CENPP: variants seen among roughly 807,000 people sequenced by gnomAD.
CENPP encodes the protein centromere protein P.
A neutral mutation model predicts 35.6 loss-of-function variants in CENPP; 24 were observed. The ratio of observed to expected loss-of-function variants is 0.67; its 90% CI spans 0.49 to 0.95. The LOEUF (loss-of-function observed/expected upper bound fraction) is 0.95, where lower values mean the gene tolerates loss of function less well. Ranked by LOEUF, CENPP falls within the 40% of genes least tolerant of loss-of-function variation. The probability of loss-of-function intolerance (pLI) is 0.00; values close to 1 mark genes in which losing one functional copy is unlikely to be tolerated. For missense variants in CENPP, 332 were observed against 345.3 expected (o/e 0.96, Z 0.31); for synonymous variants, 120 against 125.5 (o/e 0.96, Z 0.29).
chr9:92,512,059 C>T lies in CENPP; in HGVS notation c.565-99255C>T, dbSNP rs73651314. On this transcript the variant is annotated intron_variant, in intron 5 of 7. Coordinates refer to ENST00000375587, the MANE Select transcript of CENPP (RefSeq NM_001012267.3). ...CTGAAGAAGTGATATTATTTTTACT[C>T]AGATCAAGCCTTTCCAAATTTGGTA... 1,757 of 1,613,636 alleles carry T rather than the reference C, an allele frequency of 1.1e-3. 24 individuals carry two copies. The African/African-American group carries it at 0.02, about 18-fold the overall frequency.
chr9:92,498,474 A>G (rs1846486233), intron 5 of CENPP, among the ~76,000 whole-genome samples: 1 of 152,034 alleles, frequency 6.6e-6, no homozygotes, highest in African/African-American at 2.4e-5. Context: ...TTAAAAAAAG[A>G]CAATCATAGA....
chr9:92,455,550 T>G (rs1350728633), intron 5 of CENPP, among the ~76,000 whole-genome samples: 1 of 152,008 alleles, frequency 6.6e-6, no homozygotes, highest in African/African-American at 2.4e-5. Flanking sequence ...CAAAGTTGAG[T>G]AACTCCACTG....
In CENPP at chr9:92,477,417, T is replaced by C. The variant is rs1845750940; in HGVS notation, c.564+97558T>C. 2.0e-5 allele frequency among the ~76,000 whole-genome samples: 3 copies of C among 152,166 alleles called. No individual in the cohort carries two copies. The South Asian group carries it at 6.2e-4, about 32-fold the overall frequency. On this transcript the variant is annotated intron_variant, in intron 5 of 7. Transcript: ENST00000375587. ...TTCAAAATACTCATTCCCTAGAAAA[T>C]TCAGCTCTTGGTCCTTAGCTAAATC...
intron 1 of CENPP, among the ~76,000 whole-genome samples, chr9:92,326,659 G>A (rs971435849): frequency 1.3e-5 from 2 of 152,306 alleles, no homozygotes; most frequent in Non-Finnish European, 2.9e-5. Context: ...GAGAAGTTAG[G>A]TAGCTTGTCC....
chr9:92,551,948 T>TG lies in CENPP; in HGVS notation c.565-59366_565-59365insG, dbSNP rs1393491708. ...GTGTATATATATATATATATATATA[T>TG]ATATGATATATATATGTGTGATATA... On this transcript the variant is annotated intron_variant, in intron 5 of 7. Transcript: ENST00000375587. 3.3e-4 allele frequency among the ~76,000 whole-genome samples: 42 copies of TG among 127,684 alleles called. 7 individuals are homozygous for TG. The highest frequency in any genetic ancestry group is 1.3e-3 in the African/African-American group (38 of 28,370). The allele number at this position is 127,684 out of a possible 152,430, so 83.8% of individuals were successfully genotyped here.
intron 5 of CENPP, among the ~76,000 whole-genome samples, chr9:92,552,001 T>G (rs1849611809): frequency 1.4e-5 from 2 of 141,218 alleles, no homozygotes; most frequent in African/African-American, 2.6e-5. Context: ...GTGATATATA[T>G]GTGTATATAT....
intron 5 of CENPP, chr9:92,511,898 G>T: frequency 1.4e-6 from 1 of 706,172 alleles, no homozygotes; most frequent in Non-Finnish European, 2.3e-6. Context: ...AACTTTCTTA[G>T]AAGAAGACTA....
rs552816205 is a variant in CENPP at position 92,571,282 on chromosome 9, T to G, written c.565-40032T>G. The stretch of plus-strand genomic sequence containing the variant: ...CCCAGAGATTCTGGTATGTTGTGTC[T>G]TTGTTCTCATTGGTTTCAAAGAACA... On this transcript the variant is annotated intron_variant, in intron 5 of 7. Coordinates refer to ENST00000375587, the MANE Select transcript of CENPP (RefSeq NM_001012267.3). 4.9e-3 allele frequency among the ~76,000 whole-genome samples: 750 copies of G among 152,356 alleles called. 3 individuals carry two copies. Among genetic ancestry groups the G allele is most frequent in the Non-Finnish European group, 7.5e-3 (510 of 68,036 alleles).
At chr9:92,342,772 A>G (rs932090281) in intron 3 of CENPP, among the ~76,000 whole-genome samples, 3 of 152,168 alleles carry the variant, frequency 2.0e-5, no homozygotes, top group Admixed American at 2.0e-4. Flanking sequence ...ACTTGATGAA[A>G]AGTTTTTGAA....
At chr9:92,388,831 CAAAAA>C (rs533649013) in intron 5 of CENPP, among the ~76,000 whole-genome samples, 1 of 83,590 alleles carries the variant, frequency 1.2e-5, no homozygotes, top group Non-Finnish European at 2.5e-5. Context: ...GACTCCATCT[CAAAAA>C]AAAAAAAAAA....
chr9:92,525,580 C>T (rs990551892), intron 5 of CENPP, among the ~76,000 whole-genome samples: 1 of 152,140 alleles, frequency 6.6e-6, no homozygotes, highest in African/African-American at 2.4e-5. Flanking sequence ...AAACCTACTG[C>T]ACTTCCAGTC....
chr9:92,340,433 C>A (rs1441644775), intron 3 of CENPP: 1 of 152,116 alleles, frequency 6.6e-6, no homozygotes, highest in African/African-American at 2.4e-5. Context: ...ACTTCAGTCA[C>A]CTTAAACCTC....
chr9:92,592,050 TA>T (rs573722360), intron 5 of CENPP, among the ~76,000 whole-genome samples: 38 of 149,640 alleles, frequency 2.5e-4, no homozygotes, highest in African/African-American at 3.9e-4. Flanking sequence ...ACTTAAAGTA[TA>T]AAAAAAAATA....
chr9:92,519,748 A>T (rs916008034), intron 5 of CENPP, among the ~76,000 whole-genome samples: 3 of 152,194 alleles, frequency 2.0e-5, no homozygotes, highest in African/African-American at 4.8e-5. Context: ...ATAGGGGAAA[A>T]TCTTTATGAC....
chr9:92,504,601 T>A (rs1006913185), intron 5 of CENPP, among the ~76,000 whole-genome samples: 1 of 152,078 alleles, frequency 6.6e-6, no homozygotes, highest in African/African-American at 2.4e-5. Context: ...AGTGGTACGA[T>A]CCTAGCTTAC....
rs1042783126 is a variant in CENPP, at chr9:92,527,371, G to A, written c.565-83943G>A. Among the ~76,000 whole-genome samples, 5 of 152,160 alleles carry A rather than the reference G, an allele frequency of 3.3e-5. No homozygotes were observed. In the South Asian group the frequency reaches 6.2e-4, roughly 19 times the overall value. ...CCAGTTGCCTACAGTTTTCAGTACA[G>A]TCATGGGCTGTACAGGTTTGTAGCC... On this transcript the variant is annotated intron_variant, in intron 5 of 7. Coordinates refer to ENST00000375587, the MANE Select transcript of CENPP (RefSeq NM_001012267.3).
chr9:92,341,555 GT>G (rs1489858072), intron 3 of CENPP: 1 of 152,216 alleles, frequency 6.6e-6, no homozygotes, highest in Non-Finnish European at 1.5e-5. Flanking sequence ...ATGAACCTAT[GT>G]GATTATTGGG....
intron 5 of CENPP, chr9:92,501,027 T>A (rs2131152388): frequency 6.2e-7 from 1 of 1,613,844 alleles, no homozygotes; most frequent in South Asian, 1.1e-5. Context: ...GAGCTTGTTG[T>A]AGGAGAGATC....
At chr9:92,594,514 G>A (rs1234423168) in intron 5 of CENPP, among the ~76,000 whole-genome samples, 1 of 152,192 alleles carries the variant, frequency 6.6e-6, no homozygotes, top group East Asian at 1.9e-4. Flanking sequence ...GAACTACTAT[G>A]CAAATGGAAT....
Sources: allele counts gnomAD v4.1 joint callset (sites outside exome capture counted in the v4.1 genomes callset), GRCh38; gene constraint gnomAD v4.1.1; transcripts MANE v1.5; gene names NCBI Gene and HGNC (gene_info 2026-07-23, HGNC 2026-07-21).